PTPRK: variants seen among roughly 807,000 people sequenced by gnomAD.
PTPRK encodes receptor-type tyrosine-protein phosphatase kappa.
A neutral mutation model predicts 178.0 loss-of-function variants in PTPRK; 75 were observed. That is an observed-to-expected ratio of 0.42 (90% CI 0.35 to 0.51). PTPRK has a LOEUF of 0.51. PTPRK is among the 20% of genes least tolerant of loss of function. The probability of loss-of-function intolerance (pLI) is 0.02; values close to 1 mark genes in which losing one functional copy is unlikely to be tolerated. For missense variants in PTPRK, 1,441 were observed against 1,797.8 expected, an observed-to-expected ratio of 0.80 and a Z score of 3.59; for synonymous variants, 637 against 620.6, an observed-to-expected ratio of 1.03 and a Z score of -0.39.
At chr6:128,153,515 A>C (rs1215235887) in intron 7 of PTPRK, among the ~76,000 whole-genome samples, 1 of 152,018 alleles carries the variant, frequency 6.6e-6, no homozygotes, top group Non-Finnish European at 1.5e-5. Context: ...GATTTAAATT[A>C]CTTGGGTGTA....
intron 13 of PTPRK, chr6:128,062,701 G>T: frequency 6.2e-6 from 1 of 160,272 alleles, no homozygotes. Context: ...TATTATTTTA[G>T]AGACAGGGTC....
At chr6:128,215,836 A>G (rs984212209) in intron 6 of PTPRK, among the ~76,000 whole-genome samples, 1 of 152,182 alleles carries the variant, frequency 6.6e-6, no homozygotes, top group African/African-American at 2.4e-5. Flanking sequence ...CTTTAAAATT[A>G]CCATCTTTTG....
chr6:128,322,032 T>TG lies in PTPRK; in HGVS notation c.495+6dup, dbSNP rs774921294. Reference sequence around the variant, plus strand: ...AAAACATACACCAGAAAAGTACAGATGATTACCTGATATTCATTGGGCCAA... The same window carrying TG: ...AAAACATACACCAGAAAAGTACAGATGGATTACCTGATATTCATTGGGCCAA... On this transcript the variant is annotated splice_region_variant and intron_variant, in intron 3 of 29. Transcript: ENST00000368226. The TG allele has an allele frequency of 5.0e-6, 8 of 1,613,866 alleles. No individual in the cohort carries two copies. The South Asian group carries it at 8.8e-5, about 18-fold the overall frequency.
intron 2 of PTPRK, among the ~76,000 whole-genome samples, chr6:128,358,177 T>C (rs1357661325): frequency 6.6e-6 from 1 of 152,224 alleles, no homozygotes; most frequent in Non-Finnish European, 1.5e-5. Flanking sequence ...ACAATTATGA[T>C]AAACCAGAGA....
intron 14 of PTPRK, among the ~76,000 whole-genome samples, chr6:128,007,282 A>T (rs1434029137): frequency 6.6e-6 from 1 of 150,904 alleles, no homozygotes; most frequent in Non-Finnish European, 1.5e-5. Context: ...AATACTATAT[A>T]TTAGAAGGTA....
At chr6:128,159,591 C>G (rs2114598817) in intron 7 of PTPRK, among the ~76,000 whole-genome samples, 1 of 151,734 alleles carries the variant, frequency 6.6e-6, no homozygotes, top group South Asian at 2.1e-4. Context: ...GAATCATAAT[C>G]AAATATGGTT....
intron 3 of PTPRK, among the ~76,000 whole-genome samples, chr6:128,254,455 C>A (rs1477953336): frequency 6.6e-6 from 1 of 151,844 alleles, no homozygotes; most frequent in African/African-American, 2.4e-5. Flanking sequence ...AGAAGATATC[C>A]CAGAACGACT....
chr6:128,255,077 G>A (rs1400827909), intron 3 of PTPRK, among the ~76,000 whole-genome samples: 1 of 152,136 alleles, frequency 6.6e-6, no homozygotes, highest in Non-Finnish European at 1.5e-5. Flanking sequence ...CACAACCTCC[G>A]CCTCCTGGGT....
chr6:128,308,824 T>G (rs1826820264), intron 3 of PTPRK, among the ~76,000 whole-genome samples: 1 of 152,190 alleles, frequency 6.6e-6, no homozygotes, highest in South Asian at 2.1e-4. Context: ...TCTTCTTAAG[T>G]TTCATAAACT....
intron 3 of PTPRK, among the ~76,000 whole-genome samples, chr6:128,285,215 T>C (rs1230916847): frequency 2.0e-5 from 3 of 152,314 alleles, no homozygotes; most frequent in Non-Finnish European, 2.9e-5. Context: ...GAGCCAGTTA[T>C]ATCGAAATGT....
At chr6:128,082,402 A>C in intron 10 of PTPRK, 35 bp downstream of exon 10, 4 of 1,544,626 alleles carry the variant, frequency 2.6e-6, no homozygotes, top group Non-Finnish European at 3.6e-6. Flanking sequence ...CCAATGGCAT[A>C]ATCAATCCTA....
rs187406828 is a variant in PTPRK at position 128,493,517 on chromosome 6, G to A, written c.100+26742C>T. On this transcript the variant is annotated intron_variant, in intron 1 of 29. Coordinates refer to ENST00000368226, the MANE Select transcript of PTPRK (RefSeq NM_002844.4). Reference sequence around the variant, plus strand: ...GCAGAGCTTGCAGTGAGCCGAGATCGTGCCACTGCGCTCCAGCTGGGTGAA... The same window carrying A: ...GCAGAGCTTGCAGTGAGCCGAGATCATGCCACTGCGCTCCAGCTGGGTGAA... Among the ~76,000 whole-genome samples, 10 of 150,702 alleles carry A rather than the reference G, an allele frequency of 6.6e-5. No homozygotes were observed. The East Asian group carries it at 1.2e-3, about 18-fold the overall frequency.
intron 13 of PTPRK, among the ~76,000 whole-genome samples, chr6:128,043,411 G>C (rs939377750): frequency 2.6e-5 from 4 of 151,304 alleles, no homozygotes; most frequent in Admixed American, 6.6e-5. Context: ...TAGGAAGAGG[G>C]CATTGACTTA....
At chr6:128,090,424 A>G (rs939641929) in intron 7 of PTPRK, among the ~76,000 whole-genome samples, 11 of 152,244 alleles carry the variant, frequency 7.2e-5, no homozygotes, top group African/African-American at 2.4e-4. Flanking sequence ...TATACGAATT[A>G]TTCTAATTGT....
At chr6:128,389,422 G>GTT (rs66947609) in intron 2 of PTPRK, among the ~76,000 whole-genome samples, 2,001 of 61,898 alleles carry the variant, frequency 0.032, 28 homozygotes, top group Middle Eastern at 0.069. Context: ...TGTTTTTTTT[G>GTT]TTGTGTGTGT....
intron 3 of PTPRK, among the ~76,000 whole-genome samples, chr6:128,298,076 A>C (rs1017349793): frequency 5.3e-5 from 8 of 152,156 alleles, no homozygotes; most frequent in Non-Finnish European, 1.2e-4. Context: ...AGAAATACAA[A>C]CTACCATCAG....
At chr6:128,485,463 C>G (rs1450608549) in intron 1 of PTPRK, among the ~76,000 whole-genome samples, 2 of 152,172 alleles carry the variant, frequency 1.3e-5, no homozygotes, top group East Asian at 3.8e-4. Context: ...TGCATGCACA[C>G]ACACACACAC....
At chr6:128,155,877 C>T (rs761588431) in intron 7 of PTPRK, among the ~76,000 whole-genome samples, 1 of 151,646 alleles carries the variant, frequency 6.6e-6, no homozygotes, top group African/African-American at 2.4e-5. Flanking sequence ...CAAAGAGTCA[C>T]AAAAGTTTGG....
chr6:128,453,298 A>G (rs1015076022), intron 1 of PTPRK, among the ~76,000 whole-genome samples: 2 of 152,206 alleles, frequency 1.3e-5, no homozygotes, highest in Non-Finnish European at 2.9e-5. Flanking sequence ...ATTGGGACTC[A>G]CTGCATAGGC....
Sources: gnomAD v4.1 joint callset for allele counts (sites outside exome capture counted in the v4.1 genomes callset) on GRCh38, gnomAD v4.1.1 for gene constraint, MANE v1.5 for transcripts, NCBI Gene and HGNC (gene_info 2026-07-23, HGNC 2026-07-21) for gene names.